Variants in EYS observed in about 807,000 individuals in gnomAD.
The protein encoded by EYS is EGF-like photoreceptor maintenance factor, also known as protein eyes shut homolog.
A neutral mutation model predicts 282.1 loss-of-function variants in EYS; 250 were observed. The ratio of observed to expected loss-of-function variants is 0.89; its 90% CI spans 0.80 to 0.98. The LOEUF is 0.98. Among genes scored for constraint, EYS ranks in the 50% least tolerant of loss-of-function variants. The pLI, the probability that EYS is intolerant of heterozygous loss-of-function variation, is 0.00. For missense variants in EYS, 4,016 were observed against 3,709.0 expected, an observed-to-expected ratio of 1.08 and a Z score of -2.15; for synonymous variants, 1,355 against 1,282.9, an observed-to-expected ratio of 1.06 and a Z score of -1.20.
Position 64,570,429 on chromosome 6 carries a change from T to A in EYS, c.5644+19794A>T, listed in dbSNP as rs200482559. 2.0e-5 allele frequency among the ~76,000 whole-genome samples: 3 copies of A among 152,154 alleles called. No homozygotes were observed. In the East Asian group the frequency reaches 5.8e-4, roughly 29 times the overall value. On this transcript the variant is annotated intron_variant, in intron 26 of 42. Transcript: ENST00000503581. ...CTAGCATCATAATGACAGGATCAAA[T>A]TCACACATAACAATATTAACCTTAA...
chr6:64,773,226 T>A (rs1211929563), intron 22 of EYS, among the ~76,000 whole-genome samples: 2 of 151,946 alleles, frequency 1.3e-5, no homozygotes, highest in Non-Finnish European at 2.9e-5. Flanking sequence ...AGTGAGAACA[T>A]GTGGTATTTG....
chr6:64,383,933 T>C (rs569349087), intron 29 of EYS, among the ~76,000 whole-genome samples: 6 of 152,344 alleles, frequency 3.9e-5, no homozygotes, highest in African/African-American at 1.2e-4. Context: ...GAGGTGCCAC[T>C]AGATACATAT....
intron 36 of EYS, among the ~76,000 whole-genome samples, chr6:63,834,184 G>A (rs892763646): frequency 6.6e-6 from 1 of 152,040 alleles, no homozygotes; most frequent in Admixed American, 6.5e-5. Context: ...CAAAAGCAAT[G>A]GCAACAGAAG....
chr6:65,181,146 G>A (rs951058748), intron 12 of EYS, among the ~76,000 whole-genome samples: 9 of 152,062 alleles, frequency 5.9e-5, no homozygotes, highest in African/African-American at 1.4e-4. Context: ...CATAGGCATC[G>A]GCAAGGACTT....
intron 11 of EYS, chr6:65,330,936 T>C (rs1769775201): frequency 2.0e-6 from 2 of 984,102 alleles, no homozygotes; most frequent in Admixed American, 6.2e-5. Flanking sequence ...ACCCTGTATG[T>C]TCAAATGAGA....
chr6:63,816,260 G>T (rs995536532), intron 36 of EYS, among the ~76,000 whole-genome samples: 1 of 152,098 alleles, frequency 6.6e-6, no homozygotes, highest in South Asian at 2.1e-4. Context: ...TGTACTAATA[G>T]TGAGCAGGTG....
chr6:64,054,715 A>G (rs924050280), intron 33 of EYS, among the ~76,000 whole-genome samples: 1 of 152,146 alleles, frequency 6.6e-6, no homozygotes, highest in Non-Finnish European at 1.5e-5. Flanking sequence ...ACTTTAGATA[A>G]TTACCTAATT....
intron 22 of EYS, among the ~76,000 whole-genome samples, chr6:64,742,914 C>T (rs557604046): frequency 1.1e-4 from 16 of 151,956 alleles, no homozygotes; most frequent in South Asian, 2.1e-4. Context: ...ACAAAATCAC[C>T]GGTGATAAAG....
At chr6:65,526,236 C>T (rs1254062527) in intron 2 of EYS, among the ~76,000 whole-genome samples, 3 of 152,102 alleles carry the variant, frequency 2.0e-5, no homozygotes, top group African/African-American at 7.2e-5. Flanking sequence ...ATCTGATTCC[C>T]ATTGACATAT....
chr6:65,246,327 T>C (rs74443548), intron 12 of EYS, among the ~76,000 whole-genome samples: 6,063 of 152,164 alleles, frequency 0.04, 365 homozygotes, highest in African/African-American at 0.13. Flanking sequence ...TGAAAATGTA[T>C]AGGGACAAGT....
chr6:64,672,678 G>A (rs180757509), intron 22 of EYS, among the ~76,000 whole-genome samples: 173 of 152,062 alleles, frequency 1.1e-3, no homozygotes, highest in African/African-American at 3.7e-3. Context: ...AAACTAAATC[G>A]TTTCCTGAAG....
At position 63,957,647 on chromosome 6, in the gene EYS, A is replaced by G. The variant is rs1041089347; in HGVS notation, c.7055+26736T>C. Among the ~76,000 whole-genome samples the G allele has an allele frequency of 5.0e-5, 7 of 140,860 alleles. 1 individual carries two copies. The highest frequency in any genetic ancestry group is 8.1e-5 in the Non-Finnish European group (5 of 62,040). 92.4% of individuals were successfully genotyped at this position (140,860 alleles called of 152,430 possible). On this transcript the variant is annotated intron_variant, in intron 35 of 42. Transcript: ENST00000503581. Reference sequence around the variant, plus strand: ...AAACTATAAATCTGAAAAATCATTTATGCTACAGCGCCTAAAAGTTAAAGA... The same window carrying G: ...AAACTATAAATCTGAAAAATCATTTGTGCTACAGCGCCTAAAAGTTAAAGA...
intron 11 of EYS, chr6:65,302,439 C>G (rs552187362): frequency 7.9e-6 from 5 of 632,288 alleles, no homozygotes; most frequent in South Asian, 3.9e-5. Flanking sequence ...ACCCATTTCA[C>G]GAGGACTTGG....
rs1769742555 is a variant in EYS at position 65,330,126 on chromosome 6, T to C, written c.1766+4854A>G. On this transcript the variant is annotated intron_variant, in intron 11 of 42. Coordinates refer to ENST00000503581, the MANE Select transcript of EYS (RefSeq NM_001142800.2). Reference sequence around the variant, plus strand: ...GTACTTTAAAAATGTGTTCACTTTCTAAATGAAACAGAAGAACCATGAGAT... The same window carrying C: ...GTACTTTAAAAATGTGTTCACTTTCCAAATGAAACAGAAGAACCATGAGAT... The C allele has an allele frequency of 5.1e-6, 5 of 981,864 alleles. No homozygotes were observed. In the South Asian group the frequency reaches 2.4e-4, roughly 46 times the overall value. 60.8% of individuals were successfully genotyped at this position (981,864 alleles called of 1,614,324 possible).
chr6:65,123,428 T>C (rs768141574), intron 12 of EYS, among the ~76,000 whole-genome samples: 57 of 152,130 alleles, frequency 3.7e-4, no homozygotes, highest in Non-Finnish European at 2.2e-4. Context: ...ATATAATTAA[T>C]TGAATTAAGT....
At chr6:65,175,341 T>G (rs1437675642) in intron 12 of EYS, among the ~76,000 whole-genome samples, 1 of 151,362 alleles carries the variant, frequency 6.6e-6, no homozygotes, top group African/African-American at 2.4e-5. Flanking sequence ...TAGTAAAAAC[T>G]TTTAGATACT....
At chr6:64,946,828 G>T (rs960168521) in intron 14 of EYS, among the ~76,000 whole-genome samples, 1 of 151,712 alleles carries the variant, frequency 6.6e-6, no homozygotes, top group African/African-American at 2.4e-5. Flanking sequence ...ATTTACTTTC[G>T]GTTGAAATGG....
At chr6:65,496,390 A>C (rs759536494) in intron 2 of EYS, among the ~76,000 whole-genome samples, 5 of 152,070 alleles carry the variant, frequency 3.3e-5, no homozygotes, top group Non-Finnish European at 7.4e-5. Context: ...TTTTTTTAAA[A>C]GGTAACTACC....
intron 31 of EYS, among the ~76,000 whole-genome samples, chr6:64,119,858 A>G (rs934825886): frequency 1.3e-5 from 2 of 152,046 alleles, no homozygotes; most frequent in Non-Finnish European, 1.5e-5. Context: ...TTTCCATGGC[A>G]TTTTCTTAGC....
Sources: allele counts gnomAD v4.1 joint callset (sites outside exome capture counted in the v4.1 genomes callset), GRCh38; gene constraint gnomAD v4.1.1; transcripts MANE v1.5; gene names NCBI Gene and HGNC (gene_info 2026-07-23, HGNC 2026-07-21).